The following SLC26A1 variants were observed in gnomAD, a reference collection of about 807,000 sequenced individuals.
SLC26A1 encodes sulfate anion transporter 1.
SLC26A1 carries 18 observed loss-of-function variants against 14.5 expected under a neutral mutation model. That is an observed-to-expected ratio of 1.24 (90% CI 0.86 to 1.84). The LOEUF is 1.84. Among genes scored for constraint, SLC26A1 ranks in the 40% most tolerant of loss-of-function variants. SLC26A1 has a pLI of 0.00. For synonymous variants in SLC26A1, 505 were observed against 492.0 expected (o/e 1.03, Z -0.35); for missense variants, 1,049 against 1,020.0 (o/e 1.03, Z -0.39).
downstream of SLC26A1, among the ~76,000 whole-genome samples, chr4:982,745 A>G (rs1449651307): frequency 6.6e-6 from 1 of 152,202 alleles, no homozygotes; most frequent in African/African-American, 2.4e-5. Context: ...GTCTCTACAC[A>G]CAGCAAGGCC....
At position 989,957 on chromosome 4, in the gene SLC26A1, T is replaced by G; in HGVS notation, c.982A>C (p.Met328Leu). The G allele has an allele frequency of 6.4e-7, 1 of 1,555,902 alleles. No individual in the cohort carries two copies. The highest frequency in any genetic ancestry group is 8.7e-7 in the Non-Finnish European group (1 of 1,151,390). Residue 328 changes from methionine (M) to leucine (L), a missense_variant, in exon 3 of 3, where the codon ATG becomes CTG. By Grantham distance (15) the Met-to-Leu change is conservative (BLOSUM62 2). Transcript: ENST00000398516. ...CTGGGCTCTGGGACCTGAGGGGGCA[T>G]GAAACCCGTGGGGATGTCGCCAGCC... ...SVAGDIPTGF[M>L]PPQVPEPRLM...
At chr4:992,945 G>A (rs1346316603) in intron 1 of SLC26A1, 2 of 152,274 alleles carry the variant, frequency 1.3e-5, no homozygotes, top group Non-Finnish European at 2.9e-5. Context: ...GCTGGCCCAG[G>A]GTGTGCGAGC....
At chr4:991,966 C>T (rs1714388198) in intron 1 of SLC26A1, 1 of 770,814 alleles carries the variant, frequency 1.3e-6, no homozygotes, top group South Asian at 1.5e-5. Context: ...GACACCAAGC[C>T]CATGCCATGG....
downstream of SLC26A1, among the ~76,000 whole-genome samples, chr4:985,870 TAGAG>T (rs1374399306): frequency 1.6e-4 from 24 of 152,304 alleles, no homozygotes; most frequent in Non-Finnish European, 2.9e-4. Context: ...TCTCCCAACT[TAGAG>T]AGGATTATTG....
chr4:989,408 C>T lies in SLC26A1; in HGVS notation c.1531G>A (p.Ala511Thr), dbSNP rs369620087. Reference sequence around the variant, plus strand: ...GTGTCCCCGATGCGGGCCAGCAGGGCGGTGCGTGGGCGTTGGGTGCGGCCG... The same window carrying T: ...GTGTCCCCGATGCGGGCCAGCAGGGTGGTGCGTGGGCGTTGGGTGCGGCCG... ...LAGRTQRPRTALLARIGDTAF... is the reference protein window; with the variant it reads ...LAGRTQRPRTTLLARIGDTAF... The change falls in exon 3 of 3, where the codon GCC becomes ACC. Residue 511 changes from alanine to threonine, a missense_variant. Ala to Thr is a moderately conservative substitution (Grantham distance 58). Transcript: ENST00000398516. 2.6e-5 allele frequency: 40 copies of T among 1,561,054 alleles called. No homozygotes were observed. The highest frequency in any genetic ancestry group is 3.0e-5 in the Non-Finnish European group (35 of 1,153,144).
chr4:987,849 A>T lies in SLC26A1; in HGVS notation c.*984T>A, dbSNP rs370442463. The T allele has an allele frequency of 1.7e-5, 28 of 1,612,446 alleles. No individual in the cohort carries two copies. The South Asian group carries it at 3.0e-4, about 17-fold the overall frequency. On this transcript the variant is annotated 3_prime_UTR_variant, in exon 3 of 3. Transcript: ENST00000398516. ...CAGCCAGGCTGACCAGTACGTCCTC[A>T]GCTGGGACCAGCAGCTCAACCTCGC...
intron 2 of SLC26A1, 164 bp downstream of exon 2, chr4:990,964 C>T (rs1380227609): frequency 1.4e-6 from 1 of 703,310 alleles, no homozygotes. Context: ...GGTGCCTCGC[C>T]CTGGGATGCC....
chr4:981,839 G>A (rs6814300), intron 2 of SLC26A1, among the ~76,000 whole-genome samples: 8,557 of 149,998 alleles, frequency 0.057, 369 homozygotes, highest in Middle Eastern at 0.13. Context: ...TTTTTGAGAC[G>A]GAGTCTCACT....
rs76493568 is a variant in SLC26A1 at position 990,625 on chromosome 4, G to A, written c.577-263C>T. On this transcript the variant is annotated intron_variant, in intron 2 of 2. Transcript: ENST00000398516. ...CATAGACACGTCTAACCCTTGTCAC[G>A]TGCAGCAGCCCGTTTTATTTCAGAA... 0.033 allele frequency: 16,535 copies of A among 505,156 alleles called. 386 individuals carry two copies. Among genetic ancestry groups the A allele is most frequent in the Non-Finnish European group, 0.038 (10,944 of 286,598 alleles). 31.3% of individuals were successfully genotyped at this position (505,156 alleles called of 1,614,324 possible). A position where few individuals can be genotyped will look rare whatever the true frequency, so the allele number is the denominator to read the frequency against.
At chr4:986,682 C>G (rs780250266), downstream of SLC26A1, 2 of 431,224 alleles carry the variant, frequency 4.6e-6, no homozygotes, top group South Asian at 1.6e-5. Flanking sequence ...GCTGAAGCCC[C>G]GGAGATGGAG....
rs1714092927 is a variant in SLC26A1, at chr4:989,735, T to C, written c.1204A>G (p.Ser402Gly). The C allele has an allele frequency of 1.3e-6, 2 of 1,557,740 alleles. No individual in the cohort carries two copies. Among genetic ancestry groups the C allele is most frequent in the Admixed American group, 1.9e-5 (1 of 51,566 alleles). ...CFATSAALAK[S>G]LVKTATGCRT... Reference sequence around the variant, plus strand: ...CAGCCAGTGGCTGTCTTCACCAGGCTCTTGGCCAGGGCGGCGCTGGTGGCG... The same window carrying C: ...CAGCCAGTGGCTGTCTTCACCAGGCCCTTGGCCAGGGCGGCGCTGGTGGCG... Residue 402 changes from serine to glycine, a missense_variant, in exon 3 of 3, where the codon AGC becomes GGC. Coordinates refer to ENST00000398516, the MANE Select transcript of SLC26A1 (RefSeq NM_022042.4).
In SLC26A1 at chr4:989,030, A is replaced by G; in HGVS notation, c.1909T>C (p.Tyr637His). Residue 637 changes from tyrosine (Y) to histidine (H), a missense_variant, in exon 3 of 3, where the codon TAC becomes CAC. Physicochemically the swap from Tyr to His is moderately conservative, Grantham distance 83. Transcript: ENST00000398516. ...AGCAGGCTGATGCCCAGGGCCCCGT[A>G]GTCTCGGCGCAGGTCCTGCAGCGTG... ...VSTLQDLRRDYGALGISLLLA... is the reference protein window; with the variant it reads ...VSTLQDLRRDHGALGISLLLA... 6.3e-7 allele frequency: 1 copy of G among 1,582,812 alleles called. No individual in the cohort carries two copies. The highest frequency in any genetic ancestry group is 8.6e-7 in the Non-Finnish European group (1 of 1,165,282).
At position 988,778 on chromosome 4, in the gene SLC26A1, C is replaced by T. The variant is rs568626183; in HGVS notation, c.*55G>A. ...AAGGGTCTCAGCAGTGGCTTGCAGA[C>T]GTCTGCTGTGGGTCCCCAGGAGGGA... On this transcript the variant is annotated 3_prime_UTR_variant, in exon 3 of 3. Transcript: ENST00000398516. 1.6e-5 allele frequency: 24 copies of T among 1,471,540 alleles called. No homozygotes were observed. Among genetic ancestry groups the T allele is most frequent in the African/African-American group, 1.6e-4 (11 of 70,932 alleles). 91.2% of individuals were successfully genotyped at this position (1,471,540 alleles called of 1,614,324 possible).
At position 988,185 on chromosome 4, in the gene SLC26A1, G is replaced by A; in HGVS notation, c.*648C>T. ...TCTCCCTGCAGGCTCAGGGTTGGCT[G>A]CGCCGCACCTGGCTCCTGGTGCACC... On this transcript the variant is annotated 3_prime_UTR_variant, in exon 3 of 3. Transcript: ENST00000398516. 1.5e-6 allele frequency: 2 copies of A among 1,374,646 alleles called. No individual in the cohort carries two copies. Among genetic ancestry groups the A allele is most frequent in the African/African-American group, 1.5e-5 (1 of 68,504 alleles). The allele number at this position is 1,374,646 out of a possible 1,614,324, so 85.2% of individuals were successfully genotyped here.
At chr4:987,114 G>A (rs549738466), downstream of SLC26A1, 41 of 1,447,356 alleles carry the variant, frequency 2.8e-5, no homozygotes, top group East Asian at 3.6e-4. Context: ...GCGCCGCGCT[G>A]CTGGCGCTCC....
Position 989,940 on chromosome 4 carries a change from TG to T in SLC26A1, c.998del (p.Pro333GlnfsTer5). 1 of 1,556,652 alleles carries T rather than the reference TG, an allele frequency of 6.4e-7. No individual in the cohort carries two copies. The highest frequency in any genetic ancestry group is 2.4e-5 in the East Asian group (1 of 41,578). On this transcript the variant is annotated frameshift_variant, in exon 3 of 3. Transcript: ENST00000398516. LOFTEE classifies it low-confidence loss of function (END_TRUNC). The part of the protein sequence containing the change: ...IPTGFMPPQV[P>X]EPRLMQRVAL... ...CCACACGCTGCATCAGCCTGGGCTC[TG>T]GGACCTGAGGGGGCATGAAACCCGT...
chr4:992,188 G>A (rs776109506), intron 1 of SLC26A1: 20 of 460,996 alleles, frequency 4.3e-5, no homozygotes, highest in African/African-American at 2.2e-4. Flanking sequence ...GTGCAGGCAA[G>A]CCTGAGTCCA....
chr4:986,647 C>G (rs1713740735), downstream of SLC26A1, among the ~76,000 whole-genome samples: 1 of 152,210 alleles, frequency 6.6e-6, no homozygotes, highest in Non-Finnish European at 1.5e-5. Context: ...GCACGCTTTA[C>G]TCAGGAGGCT....
In SLC26A1 at chr4:987,846, C is replaced by G. The variant is rs765883088; in HGVS notation, c.*987G>C. 1 of 1,612,550 alleles carries G rather than the reference C, an allele frequency of 6.2e-7. No individual in the cohort carries two copies. On this transcript the variant is annotated 3_prime_UTR_variant, in exon 3 of 3. Coordinates refer to ENST00000398516, the MANE Select transcript of SLC26A1 (RefSeq NM_022042.4). ...ACACAGCCAGGCTGACCAGTACGTC[C>G]TCAGCTGGGACCAGCAGCTCAACCT...
Sources: allele counts gnomAD v4.1 joint callset (sites outside exome capture counted in the v4.1 genomes callset), GRCh38; gene constraint gnomAD v4.1.1; transcripts MANE v1.5; gene names NCBI Gene and HGNC (gene_info 2026-07-23, HGNC 2026-07-21).